Variants in PATL1 observed in about 807,000 individuals in gnomAD.
PATL1 encodes protein PAT1 homolog 1.
PATL1 carries 32 observed loss-of-function variants against 100.6 expected under a neutral mutation model. The observed-to-expected ratio is 0.32, with a 90% confidence interval of 0.24 to 0.43. The LOEUF (loss-of-function observed/expected upper bound fraction) is 0.43. Among genes scored for constraint, PATL1 ranks in the 20% least tolerant of loss-of-function variants. PATL1 has a pLI of 1.00. For synonymous variants in PATL1, 332 were observed against 330.0 expected, an observed-to-expected ratio of 1.01 and a Z score of -0.07; for missense variants, 747 against 949.9, an observed-to-expected ratio of 0.79 and a Z score of 2.81.
intron 14 of PATL1, 130 bp downstream of exon 14, chr11:59,649,332 G>T: frequency 1.1e-6 from 1 of 926,866 alleles, no homozygotes; most frequent in Non-Finnish European, 1.6e-6. Context: ...TTTGAGTTAG[G>T]CTAAAAGGAT....
chr11:59,643,131 C>A, intron 15 of PATL1, 96 bp from the exon 16 acceptor site: 2 of 1,316,868 alleles, frequency 1.5e-6, no homozygotes, highest in East Asian at 2.5e-5. Flanking sequence ...TTTGTATATT[C>A]AACCACTTAA....
chr11:59,646,955 C>G (rs898717448), intron 15 of PATL1, among the ~76,000 whole-genome samples: 12 of 152,064 alleles, frequency 7.9e-5, no homozygotes, highest in African/African-American at 9.7e-5. Context: ...CACAGTAGCT[C>G]AAGCCTGTAA....
intron 2 of PATL1, among the ~76,000 whole-genome samples, chr11:59,659,765 C>T (rs1427701940): frequency 6.6e-6 from 1 of 152,064 alleles, no homozygotes; most frequent in African/African-American, 2.4e-5. Flanking sequence ...GTCTCAAACT[C>T]CCGACCTCAA....
intron 5 of PATL1, among the ~76,000 whole-genome samples, 173 bp downstream of exon 5, chr11:59,657,357 G>C (rs1226183562): frequency 6.6e-6 from 1 of 152,154 alleles, no homozygotes; most frequent in Non-Finnish European, 1.5e-5. Flanking sequence ...GCAGCAAAGG[G>C]TATCAGGGAA....
At chr11:59,642,610 G>A (rs942243815) in intron 16 of PATL1, 1 of 297,294 alleles carries the variant, frequency 3.4e-6, no homozygotes, top group Non-Finnish European at 6.2e-6. Context: ...GAAGCCACTG[G>A]TAAGAATGGC....
At chr11:59,649,711 A>G (rs1590697904) in intron 13 of PATL1, 101 bp from the exon 14 acceptor site, 1 of 1,221,708 alleles carries the variant, frequency 8.2e-7, no homozygotes, top group Non-Finnish European at 1.1e-6. Context: ...AGACAAACTC[A>G]TTATAGAAAG....
At chr11:59,647,722 CAAAAG>C in intron 15 of PATL1, 27 bp downstream of exon 15, 1 of 1,608,014 alleles carries the variant, frequency 6.2e-7, no homozygotes, top group Non-Finnish European at 8.5e-7. Context: ...TATAAAGACT[CAAAAG>C]AAAGATGTCC....
chr11:59,650,893 T>C, intron 12 of PATL1, 80 bp from the exon 13 acceptor site: 1 of 951,950 alleles, frequency 1.1e-6, no homozygotes, highest in South Asian at 1.6e-5. Flanking sequence ...GTAGGTTCAT[T>C]TGTGACAATA....
chr11:59,646,339 A>AT (rs1861365860), intron 15 of PATL1, among the ~76,000 whole-genome samples: 1 of 130,140 alleles, frequency 7.7e-6, no homozygotes, highest in Non-Finnish European at 1.6e-5. Context: ...TGTCCAGCTC[A>AT]TTTTTTTCTT....
In PATL1 at chr11:59,654,043, G is replaced by T; in HGVS notation, c.1061C>A (p.Thr354Lys). The change falls in exon 9 of 19, where the codon ACA becomes AAA. Residue 354 changes from threonine (T) to lysine (K), a missense_variant. By Grantham distance (78) the Thr-to-Lys change is moderately conservative (BLOSUM62 -1). Coordinates refer to ENST00000300146, the MANE Select transcript of PATL1 (RefSeq NM_152716.3). ...ACGGTGCTGTGGATGGAGGTGAGTT[G>T]TGTCCGGTCTAAACATTGGGGCCTG... ...RSQAPMFRPD[T>K]THLHPQHRRL... 1 of 1,613,852 alleles carries T rather than the reference G, an allele frequency of 6.2e-7. No homozygotes were observed. Among genetic ancestry groups the T allele is most frequent in the Non-Finnish European group, 8.5e-7 (1 of 1,179,764 alleles).
intron 8 of PATL1, among the ~76,000 whole-genome samples, 155 bp downstream of exon 8, chr11:59,655,368 G>C (rs950592830): frequency 6.6e-6 from 1 of 152,176 alleles, no homozygotes; most frequent in African/African-American, 2.4e-5. Flanking sequence ...AAGAAAGCCT[G>C]GAGATTGTCA....
intron 8 of PATL1, among the ~76,000 whole-genome samples, chr11:59,654,392 G>A (rs1028491419): frequency 2.0e-5 from 3 of 151,178 alleles, no homozygotes; most frequent in Admixed American, 2.0e-4. Context: ...CAGTGGAATC[G>A]CTTGAGCCTG....
intron 2 of PATL1, among the ~76,000 whole-genome samples, chr11:59,659,881 T>C (rs914284020): frequency 2.0e-5 from 3 of 152,122 alleles, no homozygotes; most frequent in African/African-American, 7.2e-5. Context: ...TTCCAGAAGA[T>C]AGGTAGAAAG....
At chr11:59,646,746 T>C (rs1861370633) in intron 15 of PATL1, among the ~76,000 whole-genome samples, 1 of 152,238 alleles carries the variant, frequency 6.6e-6, no homozygotes, top group South Asian at 2.1e-4. Context: ...ATTCATCCTT[T>C]GTCCCACTTT....
At chr11:59,642,810 C>A (rs1861305567) in intron 16 of PATL1, 70 bp downstream of exon 16, 1 of 1,463,706 alleles carries the variant, frequency 6.8e-7, no homozygotes, top group Non-Finnish European at 9.2e-7. Context: ...GATACAGCAG[C>A]CATTATTTTA....
At chr11:59,663,628 A>C (rs761481635) in intron 2 of PATL1, among the ~76,000 whole-genome samples, 73 of 152,174 alleles carry the variant, frequency 4.8e-4, no homozygotes, top group Non-Finnish European at 1.0e-4. Flanking sequence ...CATAATAAGC[A>C]CCATGTTAAG....
Position 59,668,851 on chromosome 11 carries a change from G to A in PATL1, c.15+30C>T, listed in dbSNP as rs909966673. On this transcript the variant is annotated intron_variant, in intron 1 of 18. Transcript: ENST00000300146. ...GAGGGAGAGGGGCGCGGGAGGGAGG[G>A]AGGGGTCACTTCCGGTCGCAACAGC... 4.5e-5 allele frequency: 54 copies of A among 1,188,626 alleles called. 1 individual carries two copies. Among genetic ancestry groups the A allele is most frequent in the Non-Finnish European group, 5.6e-5 (48 of 861,166 alleles). 73.6% of individuals were successfully genotyped at this position (1,188,626 alleles called of 1,614,324 possible).
At chr11:59,667,151 C>T (rs891926967) in intron 1 of PATL1, 187 bp from the exon 2 acceptor site, 2 of 866,008 alleles carry the variant, frequency 2.3e-6, no homozygotes, top group Non-Finnish European at 2.8e-6. Flanking sequence ...CTTTCTTTCA[C>T]TTTCTATTTC....
chr11:59,638,485 T>C lies in PATL1; in HGVS notation c.2292-74A>G, dbSNP rs944020330. The C allele has an allele frequency of 3.8e-6, 5 of 1,321,704 alleles. No homozygotes were observed. The African/African-American group carries it at 7.3e-5, about 19-fold the overall frequency. 81.9% of individuals were successfully genotyped at this position (1,321,704 alleles called of 1,614,324 possible). On this transcript the variant is annotated intron_variant, in intron 18 of 18. Coordinates refer to ENST00000300146, the MANE Select transcript of PATL1 (RefSeq NM_152716.3). ...AGAAGGCAATCTTTCATATTACAGT[T>C]ACATCTTTGTAAGACTTCTCATAAC...
Sources: gnomAD v4.1 joint callset for allele counts (sites outside exome capture counted in the v4.1 genomes callset) on GRCh38, gnomAD v4.1.1 for gene constraint, MANE v1.5 for transcripts, NCBI Gene and HGNC (gene_info 2026-07-23, HGNC 2026-07-21) for gene names.